CALN1: variants seen among roughly 807,000 people sequenced by gnomAD.
The protein encoded by CALN1 is calcium-binding protein 8.
In CALN1, 17 loss-of-function variants were observed where a neutral mutation model predicts 30.6. The ratio of observed to expected loss-of-function variants is 0.56; its 90% CI spans 0.38 to 0.83. CALN1 has a LOEUF of 0.83. Among genes scored for constraint, CALN1 ranks in the 40% least tolerant of loss-of-function variants. CALN1 has a pLI of 0.00. For synonymous variants in CALN1, 156 were observed against 131.4 expected, an observed-to-expected ratio of 1.19 and a Z score of -1.28; for missense variants, 291 against 354.9, an observed-to-expected ratio of 0.82 and a Z score of 1.45.
chr7:72,203,740 C>T (rs1791603955), intron 3 of CALN1, among the ~76,000 whole-genome samples: 1 of 152,170 alleles, frequency 6.6e-6, no homozygotes, highest in Non-Finnish European at 1.5e-5. Flanking sequence ...CCAAACAGGG[C>T]AACATCATTT....
At chr7:72,137,825 T>C (rs550275766) in intron 3 of CALN1, among the ~76,000 whole-genome samples, 1 of 152,302 alleles carries the variant, frequency 6.6e-6, no homozygotes, top group South Asian at 2.1e-4. Flanking sequence ...TGCTGCTTAC[T>C]GTAAAAAAGT....
rs114533587 is a variant in CALN1, at chr7:72,396,561, G to A, written c.119+6690C>T. ...ATAAGGTCTCTAAAGACAGTGTGTC[G>A]GGGAAGAGATATCTGAGCACATGTG... On this transcript the variant is annotated intron_variant, in intron 2 of 6. Coordinates refer to ENST00000395275, the MANE Select transcript of CALN1 (RefSeq NM_031468.4). Among the ~76,000 whole-genome samples, 530 of 152,272 alleles carry A rather than the reference G, an allele frequency of 3.5e-3. 3 individuals carry two copies. The highest frequency in any genetic ancestry group is 0.012 in the African/African-American group (504 of 41,568).
At chr7:72,078,608 A>G (rs1584896130) in intron 4 of CALN1, among the ~76,000 whole-genome samples, 1 of 152,272 alleles carries the variant, frequency 6.6e-6, no homozygotes, top group East Asian at 1.9e-4. Context: ...AGAGGAACCG[A>G]GAAGGGCCCC....
In CALN1 at chr7:71,804,875, T is replaced by C. The variant is rs562250952; in HGVS notation, c.658+5461A>G. Among the ~76,000 whole-genome samples, 436 of 152,270 alleles carry C rather than the reference T, an allele frequency of 2.9e-3. 2 individuals carry two copies. The highest frequency in any genetic ancestry group is 3.0e-3 in the Non-Finnish European group (204 of 68,022). On this transcript the variant is annotated intron_variant, in intron 6 of 6. Transcript: ENST00000395275. ...TACTCAGAAGGCCGAGGCAGGAGAATTGCTTTAACCCAGGTGGCAGAGGTT... is the reference window on the plus strand; with the variant it reads ...TACTCAGAAGGCCGAGGCAGGAGAACTGCTTTAACCCAGGTGGCAGAGGTT...
At chr7:72,258,274 A>T (rs949090885) in intron 3 of CALN1, among the ~76,000 whole-genome samples, 1 of 152,214 alleles carries the variant, frequency 6.6e-6, no homozygotes, top group East Asian at 1.9e-4. Flanking sequence ...ATAGGCAGGC[A>T]ATCTTTGATT....
chr7:72,284,451 G>C (rs549384392), intron 2 of CALN1, among the ~76,000 whole-genome samples: 1 of 152,326 alleles, frequency 6.6e-6, no homozygotes, highest in South Asian at 2.1e-4. Context: ...GTCTGTGAGG[G>C]TGTTGCTGGA....
intron 4 of CALN1, among the ~76,000 whole-genome samples, chr7:72,076,649 C>CAAAAAAAAAAAAAAAAAAAA (rs1224166514): frequency 2.1e-5 from 1 of 47,838 alleles, no homozygotes; most frequent in Non-Finnish European, 4.1e-5. Flanking sequence ...AAAAAAAAAG[C>CAAAAAAAAAAAAAAAAAAAA]AAAGACATGC....
At chr7:72,254,350 C>A (rs557324876) in intron 3 of CALN1, among the ~76,000 whole-genome samples, 8 of 152,242 alleles carry the variant, frequency 5.3e-5, no homozygotes, top group African/African-American at 1.9e-4. Context: ...ATGCAGAGAA[C>A]ATGATTGTTT....
chr7:72,084,224 A>G (rs1315163598), intron 4 of CALN1, among the ~76,000 whole-genome samples: 2 of 152,096 alleles, frequency 1.3e-5, no homozygotes, highest in Non-Finnish European at 2.9e-5. Flanking sequence ...GCAAAACAAA[A>G]CAAAACAAAA....
chr7:72,141,299 GA>G (rs1413756309), intron 3 of CALN1, among the ~76,000 whole-genome samples: 1 of 144,266 alleles, frequency 6.9e-6, no homozygotes, highest in Non-Finnish European at 1.5e-5. Flanking sequence ...CTTAAAAAAA[GA>G]AAAGAAAAAG....
chr7:72,206,272 C>T (rs1195536309), intron 3 of CALN1, among the ~76,000 whole-genome samples: 1 of 152,134 alleles, frequency 6.6e-6, no homozygotes, highest in African/African-American at 2.4e-5. Context: ...GCCTCTTCTT[C>T]GAAAATATAA....
intron 3 of CALN1, among the ~76,000 whole-genome samples, chr7:72,276,962 C>A (rs552417507): frequency 6.6e-6 from 1 of 152,344 alleles, no homozygotes; most frequent in Non-Finnish European, 1.5e-5. Flanking sequence ...ATCTATGAAT[C>A]AGAAAGTGGC....
At chr7:72,347,330 G>T (rs143203558) in intron 2 of CALN1, among the ~76,000 whole-genome samples, 1 of 150,830 alleles carries the variant, frequency 6.6e-6, no homozygotes, top group Non-Finnish European at 1.5e-5. Flanking sequence ...TCACTGCAGC[G>T]ATCTCAGCTC....
intron 4 of CALN1, among the ~76,000 whole-genome samples, chr7:72,034,291 T>C (rs1466942911): frequency 2.0e-5 from 3 of 150,436 alleles, no homozygotes; most frequent in Non-Finnish European, 3.0e-5. Context: ...GAGGCGGAGC[T>C]TGCAGTGAGC....
intron 2 of CALN1, among the ~76,000 whole-genome samples, chr7:72,309,105 C>G (rs1023854514): frequency 6.6e-6 from 1 of 152,176 alleles, no homozygotes; most frequent in Non-Finnish European, 1.5e-5. Context: ...CAGTTTAGCT[C>G]CAGAGGCAAC....
chr7:72,139,636 T>C (rs1809751515), intron 3 of CALN1, among the ~76,000 whole-genome samples: 1 of 151,794 alleles, frequency 6.6e-6, no homozygotes, highest in Non-Finnish European at 1.5e-5. Flanking sequence ...CTCTCATCCA[T>C]GCCCACCTTC....
At position 72,165,630 on chromosome 7, in the gene CALN1, G is replaced by A. The variant is rs550309230; in HGVS notation, c.245-59336C>T. Among the ~76,000 whole-genome samples the A allele has an allele frequency of 9.2e-5, 14 of 152,124 alleles. No individual in the cohort carries two copies. In the East Asian group the frequency reaches 1.2e-3, roughly 13 times the overall value. On this transcript the variant is annotated intron_variant, in intron 3 of 6. Transcript: ENST00000395275. ...AACAAACAAGCAAACAAAGAAAAGCGAAAATGGGAAGGGAAAAGAATTATC... is the reference window on the plus strand; with the variant it reads ...AACAAACAAGCAAACAAAGAAAAGCAAAAATGGGAAGGGAAAAGAATTATC...
intron 5 of CALN1, among the ~76,000 whole-genome samples, chr7:71,874,252 G>A (rs554410076): frequency 6.8e-6 from 1 of 146,214 alleles, no homozygotes; most frequent in South Asian, 2.2e-4. Context: ...TCCAGCCTGG[G>A]TGACAGCGAG....
intron 2 of CALN1, among the ~76,000 whole-genome samples, chr7:72,287,437 T>G (rs1411730196): frequency 1.6e-4 from 1 of 6,152 alleles, no homozygotes; most frequent in Non-Finnish European, 6.4e-4. Context: ...CCAAATTAAT[T>G]TTTTTTTTTT....
Sources: allele counts gnomAD v4.1 joint callset (sites outside exome capture counted in the v4.1 genomes callset), GRCh38; gene constraint gnomAD v4.1.1; transcripts MANE v1.5; gene names NCBI Gene and HGNC (gene_info 2026-07-23, HGNC 2026-07-21).